The following STK10 variants were observed in gnomAD, a reference collection of about 807,000 sequenced individuals.
STK10 encodes serine/threonine-protein kinase 10.
Under a neutral mutation model 113.8 loss-of-function variants are expected in STK10, and 78 were observed. The observed-to-expected ratio is 0.69, with a 90% CI of 0.57 to 0.83. The LOEUF is 0.83. Ranked by LOEUF, STK10 falls within the 40% of genes least tolerant of loss-of-function variation. STK10 has a pLI of 0.00. For missense variants in STK10, 1,109 were observed against 1,280.1 expected (o/e 0.87, Z 2.04); for synonymous variants, 465 against 494.7 (o/e 0.94, Z 0.80).
Position 172,115,348 on chromosome 5 carries a change from C to T in STK10, c.520+2133G>A, listed in dbSNP as rs1769356355. Among the ~76,000 whole-genome samples, 4 of 152,258 alleles carry T rather than the reference C, an allele frequency of 2.6e-5. No individual in the cohort carries two copies. In the South Asian group the frequency reaches 6.2e-4, roughly 24 times the overall value. ...CGGGTTCAGGCAGCAGCAGATGATG[C>T]CGGGAAATGTGAAACTAGATGGTAT... On this transcript the variant is annotated intron_variant, in intron 4 of 18. Coordinates refer to ENST00000176763, the MANE Select transcript of STK10 (RefSeq NM_005990.4).
intron 1 of STK10, among the ~76,000 whole-genome samples, chr5:172,158,810 C>T (rs56320912): frequency 0.095 from 14,449 of 152,090 alleles, 935 homozygotes; most frequent in African/African-American, 0.19. Context: ...GTGTATAATT[C>T]CACTTACCTG....
At chr5:172,079,415 C>T (rs1236257299) in intron 12 of STK10, among the ~76,000 whole-genome samples, 1 of 152,298 alleles carries the variant, frequency 6.6e-6, no homozygotes, top group Non-Finnish European at 1.5e-5. Flanking sequence ...CTCTCCAGAT[C>T]TCTAGTCAGC....
At chr5:172,131,834 C>T (rs1413668762) in intron 2 of STK10, among the ~76,000 whole-genome samples, 1 of 152,110 alleles carries the variant, frequency 6.6e-6, no homozygotes, top group Non-Finnish European at 1.5e-5. Flanking sequence ...ACTTAATCCC[C>T]AATGTAACAG....
intron 10 of STK10, among the ~76,000 whole-genome samples, chr5:172,089,073 T>C (rs1768631450): frequency 6.6e-6 from 1 of 152,006 alleles, no homozygotes; most frequent in African/African-American, 2.4e-5. Flanking sequence ...CTAGTCAAGA[T>C]CTCCCTCTCT....
chr5:172,140,605 G>C (rs1769953348), intron 2 of STK10, among the ~76,000 whole-genome samples: 1 of 152,230 alleles, frequency 6.6e-6, no homozygotes, highest in South Asian at 2.1e-4. Context: ...GCTGAGGCAG[G>C]AGAATCGCTT....
intron 4 of STK10, among the ~76,000 whole-genome samples, chr5:172,110,559 G>A (rs1156618630): frequency 6.6e-6 from 1 of 152,186 alleles, no homozygotes; most frequent in Admixed American, 6.5e-5. Flanking sequence ...AGGATCTGGG[G>A]GAGGTATTTC....
At chr5:172,052,854 C>T (rs1767657580) in intron 18 of STK10, 75 bp downstream of exon 18, 1 of 1,424,616 alleles carries the variant, frequency 7.0e-7, no homozygotes. Context: ...GGAGACCTAA[C>T]ATGTCCTGGC....
chr5:172,170,803 G>A (rs544785741), intron 1 of STK10, among the ~76,000 whole-genome samples: 6 of 152,324 alleles, frequency 3.9e-5, no homozygotes, highest in South Asian at 2.1e-4. Flanking sequence ...TAAAGGAGGC[G>A]TGAAAGGTGC....
At chr5:172,183,009 C>A (rs1770891274) in intron 1 of STK10, among the ~76,000 whole-genome samples, 1 of 151,972 alleles carries the variant, frequency 6.6e-6, no homozygotes, top group African/African-American at 2.4e-5. Flanking sequence ...GAGTTCAAGA[C>A]CAACCTGGAC....
chr5:172,068,557 A>G (rs1028593146), intron 12 of STK10, among the ~76,000 whole-genome samples: 1 of 152,236 alleles, frequency 6.6e-6, no homozygotes, highest in Non-Finnish European at 1.5e-5. Context: ...ATATCTGGAT[A>G]AACATAATCA....
At chr5:172,134,196 G>T (rs1413636968) in intron 2 of STK10, among the ~76,000 whole-genome samples, 2 of 152,170 alleles carry the variant, frequency 1.3e-5, no homozygotes, top group Non-Finnish European at 2.9e-5. Flanking sequence ...GGGCAAACTG[G>T]CAGAAGTACT....
chr5:172,050,688 C>A (rs1767608599), intron 18 of STK10, among the ~76,000 whole-genome samples: 1 of 152,040 alleles, frequency 6.6e-6, no homozygotes, highest in Non-Finnish European at 1.5e-5. Context: ...CTGTGTCCAC[C>A]AGCCTGAACT....
chr5:172,084,971 G>C (rs544631706), intron 10 of STK10, among the ~76,000 whole-genome samples: 5 of 151,954 alleles, frequency 3.3e-5, no homozygotes, highest in African/African-American at 1.2e-4. Flanking sequence ...TAGGCCATGC[G>C]TGGTGGCCCA....
At chr5:172,148,184 G>A (rs1432743246) in intron 2 of STK10, among the ~76,000 whole-genome samples, 1 of 152,172 alleles carries the variant, frequency 6.6e-6, no homozygotes, top group Non-Finnish European at 1.5e-5. Context: ...CAGATGAGAA[G>A]CCTGGAGCTC....
intron 1 of STK10, 57 bp from the exon 2 acceptor site, chr5:172,156,845 T>C (rs2113818105): frequency 1.3e-6 from 2 of 1,567,428 alleles, no homozygotes; most frequent in Non-Finnish European, 8.7e-7. Flanking sequence ...AACTGACCTT[T>C]GGACGTGAGC....
At position 172,093,759 on chromosome 5, in the gene STK10, C is replaced by T. The variant is rs766523400; in HGVS notation, c.1207G>A (p.Gly403Ser). ...CGCAGGGGCACAGGCACTGCCAGGC[C>T]GTTCTCATTTCCAGGGGCCACGACT... ...PPVVAPGNENGLAVPVPLRKS... is the reference protein window; with the variant it reads ...PPVVAPGNENSLAVPVPLRKS... Residue 403 changes from glycine to serine, a missense_variant, in exon 9 of 19, where the codon GGC becomes AGC. This residue lies in a region of STK10 where 885 missense variants were observed against 991.1 expected (regional missense o/e 0.89). Coordinates refer to ENST00000176763, the MANE Select transcript of STK10 (RefSeq NM_005990.4). This position sits in a 1 kb window ranked among gnomAD's most constrained non-coding sequence, Gnocchi z 4.1. 6 of 1,611,178 alleles carry T rather than the reference C, an allele frequency of 3.7e-6. No homozygotes were observed. Among genetic ancestry groups the T allele is most frequent in the East Asian group, 2.2e-5 (1 of 44,784 alleles).
chr5:172,131,256 G>A (rs1461435957), intron 2 of STK10, among the ~76,000 whole-genome samples: 5 of 151,908 alleles, frequency 3.3e-5, no homozygotes, highest in Admixed American at 2.6e-4. Context: ...GGATGGTCTC[G>A]ATCTCCTGAC....
chr5:172,151,369 G>C (rs1770229203), intron 2 of STK10, among the ~76,000 whole-genome samples: 1 of 151,272 alleles, frequency 6.6e-6, no homozygotes, highest in Admixed American at 6.6e-5. Flanking sequence ...AATTGAGTCA[G>C]AGTCTCACTC....
At position 172,044,542 on chromosome 5, in the gene STK10, A is replaced by T; in HGVS notation, c.*340T>A. On this transcript the variant is annotated 3_prime_UTR_variant, in exon 19 of 19. Transcript: ENST00000176763. The surrounding 1 kb of genome is among the most constrained non-coding windows in gnomAD (Gnocchi z 4.5). ...CAGAGAGCAAAACTGGTATTTTCGC[A>T]AACAGGAGAGGACTCGAGGCCACAG... The T allele has an allele frequency of 3.1e-6, 1 of 324,884 alleles. No individual in the cohort carries two copies. The highest frequency in any genetic ancestry group is 5.9e-6 in the Non-Finnish European group (1 of 170,628). The allele number at this position is 324,884 out of a possible 1,614,324, so 20.1% of individuals were successfully genotyped here.
Sources: allele counts gnomAD v4.1 joint callset (sites outside exome capture counted in the v4.1 genomes callset), GRCh38; gene constraint gnomAD v4.1.1; regional missense constraint gnomAD v4.1.1; non-coding constraint Gnocchi (gnomAD v3.1); transcripts MANE v1.5; gene names NCBI Gene and HGNC (gene_info 2026-07-23, HGNC 2026-07-21).